Variants in AMIGO1 observed in about 807,000 individuals in gnomAD.
The protein encoded by AMIGO1 is adhesion molecule with Ig like domain 1, also known as amphoterin-induced protein 1.
For missense variants in AMIGO1, 361 were observed against 612.3 expected (o/e 0.59, Z 4.33); for synonymous variants, 249 against 266.3 (o/e 0.93, Z 0.63).
rs1448290227 is a variant in AMIGO1, at chr1:109,508,893, G to C, written c.20C>G (p.Pro7Arg). MHPHRDPRGLWLLLPSL... is the reference protein window; with the variant it reads MHPHRDRRGLWLLLPSL... ...CGGCAGCAGGAGCCAGAGGCCTCTC[G>C]GGTCACGGTGGGGGTGCATAGTGTC... The change falls in exon 2 of 2, where the codon CCG becomes CGG. Residue 7 changes from proline (P) to arginine (R), a missense_variant. By Grantham distance (103) the Pro-to-Arg change is moderately radical. Transcript: ENST00000369864. The surrounding 1 kb of genome is among the most constrained non-coding windows in gnomAD (Gnocchi z 7.8). The C allele has an allele frequency of 1.9e-6, 3 of 1,579,982 alleles. No individual in the cohort carries two copies. Among genetic ancestry groups the C allele is most frequent in the Non-Finnish European group, 2.6e-6 (3 of 1,162,138 alleles).
chr1:109,509,055 C>A, intron 1 of AMIGO1, 56 bp from the exon 2 acceptor site: 3 of 951,784 alleles, frequency 3.2e-6, no homozygotes, highest in Non-Finnish European at 4.6e-6. Context: ...GGAAGGACAC[C>A]CTCTCCCACT....
At position 109,509,720 on chromosome 1, in the gene AMIGO1, C is replaced by G. The variant is rs942100004; in HGVS notation, c.-388G>C. On this transcript the variant is annotated 5_prime_UTR_variant, in exon 1 of 2. Transcript: ENST00000369864. ...CCCAGCGGAGGGAGCGGCGTGGGGG[C>G]AGCGAGCACCGCGCGCGCGCCCGTC... 6.7e-6 allele frequency: 1 copy of G among 149,148 alleles called. No individual in the cohort carries two copies. The highest frequency in any genetic ancestry group is 2.4e-5 in the African/African-American group (1 of 41,092). 9.2% of individuals were successfully genotyped at this position (149,148 alleles called of 1,614,324 possible). A position where few individuals can be genotyped will look rare whatever the true frequency, so the allele number is the denominator to read the frequency against.
rs758398955 is a variant in AMIGO1, at chr1:109,508,835, T to C, written c.78A>G (p.Arg26=). 5.0e-5 allele frequency: 80 copies of C among 1,612,866 alleles called. No homozygotes were observed. In the East Asian group the frequency reaches 1.7e-3, roughly 33 times the overall value. Residue 26 remains arginine, a synonymous_variant, in exon 2 of 2, where the codon AGA becomes AGG. Coordinates refer to ENST00000369864, the MANE Select transcript of AMIGO1 (RefSeq NM_020703.4). The surrounding 1 kb of genome is among the most constrained non-coding windows in gnomAD (Gnocchi z 7.8). ...GACAGCTAACCACGGCTCGGCCAGC[T>C]CTGGCCACCTCAAAAAGCAGCAGGG... ...SLSLLLFEVA[R]AGRAVVSCPA...
chr1:109,508,560 G>A lies in AMIGO1; in HGVS notation c.353C>T (p.Ser118Phe). 1 of 1,614,184 alleles carries A rather than the reference G, an allele frequency of 6.2e-7. No homozygotes were observed. The highest frequency in any genetic ancestry group is 8.5e-7 in the Non-Finnish European group (1 of 1,180,042). ...PVPNLRYLDLSSNQLRTLDEF... is the reference protein window; with the variant it reads ...PVPNLRYLDLFSNQLRTLDEF... ...ATCCAGTGTACGCAGCTGGTTGGAG[G>A]AGAGGTCCAGGTAGCGCAGGTTGGG... Residue 118 changes from serine to phenylalanine, a missense_variant, in exon 2 of 2, where the codon TCC (serine) becomes TTC (phenylalanine). By Grantham distance (155) the Ser-to-Phe change is radical. Transcript: ENST00000369864. This position sits in a 1 kb window ranked among gnomAD's most constrained non-coding sequence, Gnocchi z 7.8.
rs1329612115 is a variant in AMIGO1 at position 109,504,656 on chromosome 1, C to T, written c.*2775G>A. 1 of 152,136 alleles carries T rather than the reference C, an allele frequency of 6.6e-6. No individual in the cohort carries two copies. Among genetic ancestry groups the T allele is most frequent in the African/African-American group, 2.4e-5 (1 of 41,432 alleles). The allele number at this position is 152,136 out of a possible 1,614,324, so 9.4% of individuals were successfully genotyped here. On this transcript the variant is annotated 3_prime_UTR_variant, in exon 2 of 2. Transcript: ENST00000369864. The stretch of plus-strand genomic sequence containing the variant: ...ATTATTCAATTCTCCAATTAAAAAG[C>T]TACCTTTGGGTTCTATCACCTGAAA...
rs1358167150 is a variant in AMIGO1, at chr1:109,504,875, C to G, written c.*2556G>C. 1 of 152,102 alleles carries G rather than the reference C, an allele frequency of 6.6e-6. No individual in the cohort carries two copies. Among genetic ancestry groups the G allele is most frequent in the Non-Finnish European group, 1.5e-5 (1 of 68,036 alleles). The allele number at this position is 152,102 out of a possible 1,614,324, so 9.4% of individuals were successfully genotyped here. On this transcript the variant is annotated 3_prime_UTR_variant, in exon 2 of 2. Coordinates refer to ENST00000369864, the MANE Select transcript of AMIGO1 (RefSeq NM_020703.4). ...TCCTCAGGAGCTCCATCACGATGCC[C>G]CAGAAGGCCTGCTTCATTTAACGCT...
rs142627495 is a variant in AMIGO1 at position 109,507,446 on chromosome 1, C to T, written c.1467G>A (p.Thr489=). The change falls in exon 2 of 2, where the codon ACG becomes ACA. Residue 489 remains threonine (T), a synonymous_variant. Transcript: ENST00000369864. The surrounding 1 kb of genome is among the most constrained non-coding windows in gnomAD (Gnocchi z 4.7). ...PESVSSVFSD[T]PIVV ...CCCATCCTGCTCACACCACAATGGG[C>T]GTATCAGAGAAGACCGAGCTGACTG... 3.1e-5 allele frequency: 50 copies of T among 1,604,560 alleles called. No individual in the cohort carries two copies. In the African/African-American group the frequency reaches 6.0e-4, roughly 19 times the overall value.
chr1:109,508,692 C>G lies in AMIGO1; in HGVS notation c.221G>C (p.Ser74Thr), dbSNP rs2101060653. 1 of 1,614,080 alleles carries G rather than the reference C, an allele frequency of 6.2e-7. No homozygotes were observed. Among genetic ancestry groups the G allele is most frequent in the Non-Finnish European group, 8.5e-7 (1 of 1,180,014 alleles). Residue 74 changes from serine to threonine, a missense_variant, in exon 2 of 2, where the codon AGC becomes ACC. By Grantham distance (58) the Ser-to-Thr change is moderately conservative. Transcript: ENST00000369864. The surrounding 1 kb of genome is among the most constrained non-coding windows in gnomAD (Gnocchi z 7.8). ...ALLDLSHNNL[S>T]RLRAEWTPTR... is the part of the protein sequence containing the mutation. ...GGGGGTCCACTCGGCCCGCAGGCGG[C>G]TCAGGTTGTTGTGACTGAGGTCCAG... is the stretch of plus-strand genomic sequence containing the variant.
At position 109,508,369 on chromosome 1, in the gene AMIGO1, C is replaced by T; in HGVS notation, c.544G>A (p.Ala182Thr). 1 of 1,614,166 alleles carries T rather than the reference C, an allele frequency of 6.2e-7. No individual in the cohort carries two copies. The highest frequency in any genetic ancestry group is 1.1e-5 in the South Asian group (1 of 91,084). Reference protein sequence around the residue: ...RFPLELVKEGAKLPKLTLLDL... With the variant: ...RFPLELVKEGTKLPKLTLLDL... The stretch of plus-strand genomic sequence containing the variant: ...AGGAGCGTTAGTTTGGGTAGCTTGG[C>T]TCCTTCCTTGACCAGTTCCAGAGGG... The change falls in exon 2 of 2, where the codon GCC (alanine) becomes ACC (threonine). Residue 182 changes from alanine (A) to threonine (T), a missense_variant. Transcript: ENST00000369864. This position sits in a 1 kb window ranked among gnomAD's most constrained non-coding sequence, Gnocchi z 7.8.
Position 109,508,804 on chromosome 1 carries a change from C to T in AMIGO1, c.109G>A (p.Ala37Thr). The T allele has an allele frequency of 6.2e-7, 1 of 1,613,928 alleles. No homozygotes were observed. Among genetic ancestry groups the T allele is most frequent in the East Asian group, 2.2e-5 (1 of 44,856 alleles). Reference protein sequence around the residue: ...AGRAVVSCPAACLCASNILSC... With the variant: ...AGRAVVSCPATCLCASNILSC... ...AGGATGTTGCTGGCGCACAAGCAGGCGGCAGGACAGCTAACCACGGCTCGG... is the reference window on the plus strand; with the variant it reads ...AGGATGTTGCTGGCGCACAAGCAGGTGGCAGGACAGCTAACCACGGCTCGG... The change falls in exon 2 of 2, where the codon GCC becomes ACC. Residue 37 changes from alanine to threonine, a missense_variant. Transcript: ENST00000369864. The surrounding 1 kb of genome is among the most constrained non-coding windows in gnomAD (Gnocchi z 7.8).
Position 109,507,341 on chromosome 1 carries a change from TG to T in AMIGO1, c.*89del. ...TGAGGTCAGGAGGAATCCATTCCCTTGGGCAGCCAGCCCTCTCTTCCATCCC... is the reference window on the plus strand; with the variant it reads ...TGAGGTCAGGAGGAATCCATTCCCTTGGCAGCCAGCCCTCTCTTCCATCCC... On this transcript the variant is annotated 3_prime_UTR_variant, in exon 2 of 2. Transcript: ENST00000369864. This position sits in a 1 kb window ranked among gnomAD's most constrained non-coding sequence, Gnocchi z 4.7. 1 of 1,497,966 alleles carries T rather than the reference TG, an allele frequency of 6.7e-7. No homozygotes were observed. The highest frequency in any genetic ancestry group is 1.3e-5 in the South Asian group (1 of 74,532). 92.8% of individuals were successfully genotyped at this position (1,497,966 alleles called of 1,614,324 possible).
intron 1 of AMIGO1, among the ~76,000 whole-genome samples, 182 bp from the exon 2 acceptor site, chr1:109,509,181 A>G (rs1220385909): frequency 2.6e-5 from 4 of 152,040 alleles, no homozygotes; most frequent in Non-Finnish European, 5.9e-5. Context: ...AGGTGGCCCG[A>G]GGGCCTACTG....
chr1:109,509,173 G>A (rs1658104712), intron 1 of AMIGO1, among the ~76,000 whole-genome samples, 174 bp from the exon 2 acceptor site: 1 of 152,194 alleles, frequency 6.6e-6, no homozygotes, highest in African/African-American at 2.4e-5. Flanking sequence ...CGAAGAGGAG[G>A]TGGCCCGAGG....
chr1:109,507,957 C>G lies in AMIGO1; in HGVS notation c.956G>C (p.Ser319Thr). 1.2e-6 allele frequency: 2 copies of G among 1,614,230 alleles called. No homozygotes were observed. Among genetic ancestry groups the G allele is most frequent in the South Asian group, 2.2e-5 (2 of 91,082 alleles). The change falls in exon 2 of 2, where the codon AGT becomes ACT. Residue 319 changes from serine to threonine, a missense_variant. By Grantham distance (58) the Ser-to-Thr change is moderately conservative. Coordinates refer to ENST00000369864, the MANE Select transcript of AMIGO1 (RefSeq NM_020703.4). The surrounding 1 kb of genome is among the most constrained non-coding windows in gnomAD (Gnocchi z 4.7). The stretch of plus-strand genomic sequence containing the variant: ...AAGAAGACTGCCATCCTTAGACACA[C>G]TCACTGTGCCATTGGTCACCTCATC... ...VLDEVTNGTV[S>T]VSKDGSLLFQ...
In AMIGO1 at chr1:109,509,261, T is replaced by A. The variant is rs1658107648; in HGVS notation, c.-88+159A>T. Among the ~76,000 whole-genome samples the A allele has an allele frequency of 2.6e-5, 4 of 151,998 alleles. No individual in the cohort carries two copies. In the South Asian group the frequency reaches 8.3e-4, roughly 32 times the overall value. On this transcript the variant is annotated intron_variant, in intron 1 of 1. Transcript: ENST00000369864. ...CAGGGACTGCTGGGAGTCACAGGGATGGCACGGGCAGGGTTTGGAGGTGGG... is the reference window on the plus strand; with the variant it reads ...CAGGGACTGCTGGGAGTCACAGGGAAGGCACGGGCAGGGTTTGGAGGTGGG...
At position 109,508,665 on chromosome 1, in the gene AMIGO1, G is replaced by A. The variant is rs780446508; in HGVS notation, c.248C>T (p.Thr83Met). 2.5e-6 allele frequency: 4 copies of A among 1,614,056 alleles called. No individual in the cohort carries two copies. The highest frequency in any genetic ancestry group is 4.5e-5 in the East Asian group (2 of 44,892). The change falls in exon 2 of 2, where the codon ACG becomes ATG. Residue 83 changes from threonine to methionine, a missense_variant. Thr to Met is a moderately conservative substitution (Grantham distance 81). Coordinates refer to ENST00000369864, the MANE Select transcript of AMIGO1 (RefSeq NM_020703.4). The surrounding 1 kb of genome is among the most constrained non-coding windows in gnomAD (Gnocchi z 7.8). ...LSRLRAEWTP[T>M]RLTQLHSLLL... Reference sequence around the variant, plus strand: ...CAGGGAGTGCAGTTGGGTCAGGCGCGTGGGGGTCCACTCGGCCCGCAGGCG... The same window carrying A: ...CAGGGAGTGCAGTTGGGTCAGGCGCATGGGGGTCCACTCGGCCCGCAGGCG...
At position 109,506,672 on chromosome 1, in the gene AMIGO1, C is replaced by A. The variant is rs1454465244; in HGVS notation, c.*759G>T. On this transcript the variant is annotated 3_prime_UTR_variant, in exon 2 of 2. Transcript: ENST00000369864. ...CCCCCATCTACAAGTTTCGTGCTGG[C>A]ACCTATGCTGTGACATGGACCCTTC... 1 of 152,244 alleles carries A rather than the reference C, an allele frequency of 6.6e-6. No homozygotes were observed. The highest frequency in any genetic ancestry group is 2.4e-5 in the African/African-American group (1 of 41,462). 9.4% of individuals were successfully genotyped at this position (152,244 alleles called of 1,614,324 possible). A position where few individuals can be genotyped will look rare whatever the true frequency, so the allele number is the denominator to read the frequency against.
At position 109,504,342 on chromosome 1, in the gene AMIGO1, TAAG is replaced by T. The variant is rs1657965518; in HGVS notation, c.*3086_*3088del. On this transcript the variant is annotated 3_prime_UTR_variant, in exon 2 of 2. Coordinates refer to ENST00000369864, the MANE Select transcript of AMIGO1 (RefSeq NM_020703.4). ...GCAGAGCTACGAGGAAGTACAGAGG[TAAG>T]AACACACAGAAAACTGGATCCATCT... 1 of 152,032 alleles carries T rather than the reference TAAG, an allele frequency of 6.6e-6. No homozygotes were observed. Among genetic ancestry groups the T allele is most frequent in the South Asian group, 2.1e-4 (1 of 4,830 alleles). The allele number at this position is 152,032 out of a possible 1,614,324, so 9.4% of individuals were successfully genotyped here. A position where few individuals can be genotyped will look rare whatever the true frequency, so the allele number is the denominator to read the frequency against.
In AMIGO1 at chr1:109,505,426, G is replaced by A. The variant is rs973698194; in HGVS notation, c.*2005C>T. 5.3e-5 allele frequency: 8 copies of A among 152,238 alleles called. No individual in the cohort carries two copies. The highest frequency in any genetic ancestry group is 1.9e-4 in the African/African-American group (8 of 41,460). The allele number at this position is 152,238 out of a possible 1,614,324, so 9.4% of individuals were successfully genotyped here. A position where few individuals can be genotyped will look rare whatever the true frequency, so the allele number is the denominator to read the frequency against. On this transcript the variant is annotated 3_prime_UTR_variant, in exon 2 of 2. Coordinates refer to ENST00000369864, the MANE Select transcript of AMIGO1 (RefSeq NM_020703.4). Reference sequence around the variant, plus strand: ...AGAGGAATACAATTGTGTGCATGAAGTTGTGCACATTGGTGGAGACCATTC... The same window carrying A: ...AGAGGAATACAATTGTGTGCATGAAATTGTGCACATTGGTGGAGACCATTC...
Sources: allele counts gnomAD v4.1 joint callset (sites outside exome capture counted in the v4.1 genomes callset), GRCh38; gene constraint gnomAD v4.1.1; non-coding constraint Gnocchi (gnomAD v3.1); transcripts MANE v1.5; gene names NCBI Gene and HGNC (gene_info 2026-07-23, HGNC 2026-07-21).